The following HMGCL variants were observed in gnomAD, a reference collection of about 807,000 sequenced individuals.
The protein encoded by HMGCL is hydroxymethylglutaryl-CoA lyase, mitochondrial.
HMGCL carries 26 observed loss-of-function variants against 37.3 expected under a neutral mutation model. That is an observed-to-expected ratio of 0.70 (90% confidence interval 0.51 to 0.97). The LOEUF (loss-of-function observed/expected upper bound fraction) is 0.97. Ranked by LOEUF, HMGCL falls within the 50% of genes least tolerant of loss-of-function variation. HMGCL has a pLI of 0.00. For synonymous variants in HMGCL, 151 were observed against 148.0 expected, an observed-to-expected ratio of 1.02 and a Z score of -0.15; for missense variants, 379 against 398.1, an observed-to-expected ratio of 0.95 and a Z score of 0.41.
At chr1:23,805,634 T>C (rs1367786620) in intron 7 of HMGCL, among the ~76,000 whole-genome samples, 1 of 152,038 alleles carries the variant, frequency 6.6e-6, no homozygotes, top group Non-Finnish European at 1.5e-5. Flanking sequence ...CTCCTAGTGC[T>C]CTAGCCTCTC....
intron 3 of HMGCL, 136 bp downstream of exon 3, chr1:23,817,340 C>G (rs1638629443): frequency 1.5e-6 from 1 of 645,912 alleles, no homozygotes; most frequent in Non-Finnish European, 2.8e-6. Flanking sequence ...TGCTGCAACA[C>G]AGTGCTATGA....
At chr1:23,810,183 G>A in intron 6 of HMGCL, 1 of 170,540 alleles carries the variant, frequency 5.9e-6, no homozygotes, top group South Asian at 1.2e-4. Context: ...GGGCTTTGGA[G>A]AGAGAAAAAA....
chr1:23,818,795 C>T (rs1322864623), intron 2 of HMGCL, among the ~76,000 whole-genome samples: 1 of 151,860 alleles, frequency 6.6e-6, no homozygotes, highest in East Asian at 1.9e-4. Context: ...ATCTGCCTGC[C>T]TCAGCCTCCC....
intron 5 of HMGCL, 137 bp from the exon 6 acceptor site, chr1:23,810,936 G>T: frequency 1.4e-6 from 1 of 722,884 alleles, no homozygotes; most frequent in Non-Finnish European, 2.5e-6. Flanking sequence ...GGGCAGGGAT[G>T]GTACAATTCA....
intron 4 of HMGCL, among the ~76,000 whole-genome samples, chr1:23,815,747 G>T: frequency 6.6e-6 from 1 of 151,592 alleles, no homozygotes; most frequent in African/African-American, 2.4e-5. Context: ...CGCCCGCCCT[G>T]GTCTCCCAAA....
chr1:23,810,507 T>C, intron 6 of HMGCL: 1 of 521,478 alleles, frequency 1.9e-6, no homozygotes, highest in Non-Finnish European at 3.5e-6. Flanking sequence ...TTGGAGGTTT[T>C]CAGGCTGGAT....
intron 4 of HMGCL, 172 bp downstream of exon 4, chr1:23,816,503 G>T: frequency 2.8e-6 from 2 of 722,772 alleles, no homozygotes; most frequent in Non-Finnish European, 5.0e-6. Flanking sequence ...TTGTCAACTT[G>T]TCAAGATCAC....
At chr1:23,818,573 A>C (rs1638656293) in intron 2 of HMGCL, among the ~76,000 whole-genome samples, 1 of 150,824 alleles carries the variant, frequency 6.6e-6, no homozygotes, top group African/African-American at 2.4e-5. Context: ...TTTTTTTGAG[A>C]TGGAGTCTCA....
chr1:23,810,365 C>T (rs538518412), intron 6 of HMGCL: 60 of 293,962 alleles, frequency 2.0e-4, no homozygotes, highest in African/African-American at 1.3e-3. Flanking sequence ...ATGTTCTTCT[C>T]AGTGTTGACC....
intron 1 of HMGCL, among the ~76,000 whole-genome samples, chr1:23,824,519 C>T (rs1047497162): frequency 5.3e-5 from 8 of 152,180 alleles, no homozygotes; most frequent in African/African-American, 1.9e-4. Flanking sequence ...CTGAGAGGGA[C>T]CCAGTGCCAG....
At chr1:23,805,319 G>A (rs116275384) in intron 7 of HMGCL, among the ~76,000 whole-genome samples, 105 of 152,228 alleles carry the variant, frequency 6.9e-4, no homozygotes, top group African/African-American at 2.4e-3. Context: ...CACAGCCTGC[G>A]ATCTCTCCCA....
chr1:23,812,788 C>A (rs1337456606), intron 5 of HMGCL, among the ~76,000 whole-genome samples: 1 of 152,232 alleles, frequency 6.6e-6, no homozygotes, highest in African/African-American at 2.4e-5. Context: ...GGGACCAAAT[C>A]ATGCAGGGTT....
At chr1:23,804,573 G>A (rs766484286) in intron 7 of HMGCL, 48 bp from the exon 8 acceptor site, 9 of 1,609,410 alleles carry the variant, frequency 5.6e-6, no homozygotes, top group South Asian at 5.5e-5. Context: ...GGGACAAGAG[G>A]CCACAGAGAT....
chr1:23,808,676 G>T (rs1638457415), intron 6 of HMGCL, among the ~76,000 whole-genome samples: 1 of 151,416 alleles, frequency 6.6e-6, no homozygotes, highest in Non-Finnish European at 1.5e-5. Context: ...TTCCTTCCAT[G>T]TCGTTTTATC....
rs1271041168 is a variant in HMGCL at position 23,801,943 on chromosome 1, G to A, written c.*520C>T. The A allele has an allele frequency of 1.2e-5, 5 of 421,440 alleles. No homozygotes were observed. The highest frequency in any genetic ancestry group is 2.0e-5 in the African/African-American group (1 of 49,300). 26.1% of individuals were successfully genotyped at this position (421,440 alleles called of 1,614,324 possible). A position where few individuals can be genotyped will look rare whatever the true frequency, so the allele number is the denominator to read the frequency against. Reference sequence around the variant, plus strand: ...GCTGTTTTCAAAAATCACATTCAGCGTGGAGATTTTCCAGAGATGCTGGAG... The same window carrying A: ...GCTGTTTTCAAAAATCACATTCAGCATGGAGATTTTCCAGAGATGCTGGAG... On this transcript the variant is annotated 3_prime_UTR_variant, in exon 9 of 9. Transcript: ENST00000374490.
chr1:23,806,903 A>T lies in HMGCL; in HGVS notation c.750+1232T>A. The T allele has an allele frequency of 3.9e-6, 2 of 509,338 alleles. No individual in the cohort carries two copies. Among genetic ancestry groups the T allele is most frequent in the Non-Finnish European group, 3.9e-6 (1 of 254,932 alleles). The allele number at this position is 509,338 out of a possible 1,614,324, so 31.6% of individuals were successfully genotyped here. ...CACCCACCATAACATGAGCTCCCAG[A>T]GGGCAGGGATTGGGTCTTGTTACCA... is the stretch of plus-strand genomic sequence containing the variant. On this transcript the variant is annotated intron_variant, in intron 7 of 8. Transcript: ENST00000374490. The surrounding 1 kb of genome is among the most constrained non-coding windows in gnomAD (Gnocchi z 4.0).
In HMGCL at chr1:23,821,770, T is replaced by A. The variant is rs2473377; in HGVS notation, c.61-1177A>T. ...TCCTGGAATCATCACTCGCCCCTAC[T>A]GTCCACTCCCAACCTCCACCCAACA... On this transcript the variant is annotated intron_variant, in intron 1 of 8. Transcript: ENST00000374490. Among the ~76,000 whole-genome samples, 1,022 of 151,972 alleles carry A rather than the reference T, an allele frequency of 6.7e-3. 10 individuals carry two copies. Among genetic ancestry groups the A allele is most frequent in the African/African-American group, 0.023 (946 of 41,466 alleles).
In HMGCL at chr1:23,802,302, T is replaced by C. The variant is rs1387573561; in HGVS notation, c.*161A>G. ...GGTCCTTCTGCCAAGCAGCTCCTCC[T>C]GCCCTTCGCCTGCTTTCTGCCAGGA... On this transcript the variant is annotated 3_prime_UTR_variant, in exon 9 of 9. Transcript: ENST00000374490. 2 of 663,754 alleles carry C rather than the reference T, an allele frequency of 3.0e-6. No individual in the cohort carries two copies. The highest frequency in any genetic ancestry group is 5.3e-5 in the East Asian group (2 of 37,384). The allele number at this position is 663,754 out of a possible 1,614,324, so 41.1% of individuals were successfully genotyped here.
rs1037321916 is a variant in HMGCL, at chr1:23,806,960, G to C, written c.750+1175C>G. ...AAGTCAGCACTTAACCTGGCACATC[G>C]ATCCATATTTCCGAAGTAACTGATG... On this transcript the variant is annotated intron_variant, in intron 7 of 8. Transcript: ENST00000374490. This position sits in a 1 kb window ranked among gnomAD's most constrained non-coding sequence, Gnocchi z 4.0. The C allele has an allele frequency of 2.1e-5, 11 of 518,672 alleles. No homozygotes were observed. The highest frequency in any genetic ancestry group is 3.5e-5 in the Non-Finnish European group (9 of 259,878). 32.1% of individuals were successfully genotyped at this position (518,672 alleles called of 1,614,324 possible).
Sources: gnomAD v4.1 joint callset for allele counts (sites outside exome capture counted in the v4.1 genomes callset) on GRCh38, gnomAD v4.1.1 for gene constraint, Gnocchi (gnomAD v3.1) non-coding constraint, MANE v1.5 for transcripts, NCBI Gene and HGNC (gene_info 2026-07-23, HGNC 2026-07-21) for gene names.